EPC2: variants seen among roughly 807,000 people sequenced by gnomAD.
EPC2 encodes enhancer of polycomb homolog 2.
A neutral mutation model predicts 92.1 loss-of-function variants in EPC2; 14 were observed. The observed-to-expected ratio is 0.15, with a 90% CI of 0.10 to 0.24. The LOEUF is 0.24. EPC2 is among the 10% of genes least tolerant of loss of function. The pLI is 1.00. For synonymous variants in EPC2, 340 were observed against 334.7 expected (o/e 1.02, Z -0.17); for missense variants, 755 against 971.5 (o/e 0.78, Z 2.96).
chr2:148,668,158 A>T (rs1681090108), intron 1 of EPC2, among the ~76,000 whole-genome samples: 1 of 152,062 alleles, frequency 6.6e-6, no homozygotes, highest in Non-Finnish European at 1.5e-5. Context: ...CGGCCTCCCA[A>T]AGTGCTGGGA....
At chr2:148,707,623 A>G (rs1428603065) in intron 2 of EPC2, among the ~76,000 whole-genome samples, 1 of 152,204 alleles carries the variant, frequency 6.6e-6, no homozygotes, top group Non-Finnish European at 1.5e-5. Flanking sequence ...GCAAATGTAA[A>G]AGAACAGAAA....
chr2:148,755,603 A>G (rs1683174969), intron 4 of EPC2, among the ~76,000 whole-genome samples: 3 of 152,182 alleles, frequency 2.0e-5, no homozygotes, highest in Admixed American at 2.0e-4. Context: ...TACTTACCTT[A>G]TGTTAGAGTT....
intron 2 of EPC2, among the ~76,000 whole-genome samples, chr2:148,732,936 G>A (rs1682668150): frequency 7.5e-6 from 1 of 133,532 alleles, no homozygotes. Context: ...TAAATATTAA[G>A]TGAATAGCTC....
chr2:148,655,821 A>G (rs1205983170), intron 1 of EPC2, among the ~76,000 whole-genome samples: 1 of 152,180 alleles, frequency 6.6e-6, no homozygotes, highest in Non-Finnish European at 1.5e-5. Flanking sequence ...AGGAGATGGT[A>G]CTATAGACAG....
chr2:148,667,244 G>T (rs1681073544), intron 1 of EPC2, among the ~76,000 whole-genome samples: 3 of 152,150 alleles, frequency 2.0e-5, no homozygotes, highest in Admixed American at 1.3e-4. Flanking sequence ...CTTCATCGTT[G>T]TAAGACCTCA....
chr2:148,714,279 G>A (rs1682214445), intron 2 of EPC2, among the ~76,000 whole-genome samples: 2 of 152,092 alleles, frequency 1.3e-5, no homozygotes, highest in East Asian at 1.9e-4. Context: ...ATTCTGTGGT[G>A]TGGATGTAGC....
intron 5 of EPC2, among the ~76,000 whole-genome samples, chr2:148,762,439 A>G (rs1683318980): frequency 6.6e-6 from 1 of 151,904 alleles, no homozygotes. Context: ...ATTATATAAT[A>G]TATGTAAGAA....
intron 6 of EPC2, among the ~76,000 whole-genome samples, chr2:148,764,711 ATAGTT>A (rs1439212391): frequency 6.6e-6 from 1 of 152,226 alleles, no homozygotes; most frequent in African/African-American, 2.4e-5. Flanking sequence ...AATCACTCAC[ATAGTT>A]TAAAGTAGTG....
chr2:148,747,862 C>T (rs529665322), intron 3 of EPC2, among the ~76,000 whole-genome samples: 1 of 152,150 alleles, frequency 6.6e-6, no homozygotes, highest in African/African-American at 2.4e-5. Context: ...TGCTCCAGAG[C>T]TGGATTTCTA....
chr2:148,657,057 G>A (rs1368708692), intron 1 of EPC2, among the ~76,000 whole-genome samples: 5 of 151,910 alleles, frequency 3.3e-5, no homozygotes. Context: ...ACCCAGTAGA[G>A]TTATTAAGAG....
chr2:148,703,206 A>G (rs1019302804), intron 2 of EPC2, among the ~76,000 whole-genome samples: 4 of 152,292 alleles, frequency 2.6e-5, no homozygotes, highest in Middle Eastern at 3.4e-3. Context: ...TGAACCTTCA[A>G]TGCATCCTTA....
chr2:148,712,039 G>A (rs1360586407), intron 2 of EPC2, among the ~76,000 whole-genome samples: 2 of 151,954 alleles, frequency 1.3e-5, no homozygotes, highest in African/African-American at 2.4e-5. Context: ...TCTTTCAGTT[G>A]GTGTATTTAG....
intron 2 of EPC2, among the ~76,000 whole-genome samples, chr2:148,732,908 A>G (rs1027279630): frequency 4.0e-5 from 6 of 150,866 alleles, no homozygotes; most frequent in African/African-American, 1.5e-4. Flanking sequence ...ATGTAAATCA[A>G]ATTATAATGG....
intron 2 of EPC2, among the ~76,000 whole-genome samples, chr2:148,741,137 T>C (rs1446557602): frequency 6.6e-6 from 1 of 152,188 alleles, no homozygotes; most frequent in Non-Finnish European, 1.5e-5. Context: ...TTTTTATCAT[T>C]AGTTCACCAA....
In EPC2 at chr2:148,726,098, C is replaced by A. The variant is rs76106743; in HGVS notation, c.314-17524C>A. On this transcript the variant is annotated intron_variant, in intron 2 of 13. Transcript: ENST00000258484. Reference sequence around the variant, plus strand: ...GACTGGCTTATTTCATTTAGCATAACGTCCTCAAGATTCATCCATGTTGTA... The same window carrying A: ...GACTGGCTTATTTCATTTAGCATAAAGTCCTCAAGATTCATCCATGTTGTA... Among the ~76,000 whole-genome samples the A allele has an allele frequency of 1.0e-2, 1,521 of 152,180 alleles. 28 individuals carry two copies. The highest frequency in any genetic ancestry group is 0.081 in the East Asian group (419 of 5,182).
intron 2 of EPC2, among the ~76,000 whole-genome samples, chr2:148,732,381 CTTT>C (rs752780229): frequency 2.3e-5 from 3 of 132,948 alleles, no homozygotes; most frequent in Non-Finnish European, 1.6e-5. Flanking sequence ...TTATTTTTGT[CTTT>C]TTTTTTTTTT....
At chr2:148,683,616 T>G (rs1242439278) in intron 1 of EPC2, among the ~76,000 whole-genome samples, 3 of 152,202 alleles carry the variant, frequency 2.0e-5, no homozygotes, top group African/African-American at 7.2e-5. Context: ...CTCCCACTTA[T>G]AAATAATAAC....
At chr2:148,762,061 T>A in intron 5 of EPC2, 131 bp downstream of exon 5, 1 of 749,712 alleles carries the variant, frequency 1.3e-6, no homozygotes, top group Non-Finnish European at 2.0e-6. Context: ...AGAATTTATA[T>A]TTTTTAAAGA....
chr2:148,730,950 A>G (rs1476022594), intron 2 of EPC2, among the ~76,000 whole-genome samples: 2 of 152,218 alleles, frequency 1.3e-5, no homozygotes, highest in African/African-American at 2.4e-5. Flanking sequence ...TTCTGCTTGA[A>G]AATGGATTTG....
Sources: allele counts gnomAD v4.1 joint callset (sites outside exome capture counted in the v4.1 genomes callset), GRCh38; gene constraint gnomAD v4.1.1; transcripts MANE v1.5; gene names NCBI Gene and HGNC (gene_info 2026-07-23, HGNC 2026-07-21).